FOXP1: variants seen among roughly 807,000 people sequenced by gnomAD.
The protein encoded by FOXP1 is forkhead box P1, also known as forkhead box protein P1.
Under a neutral mutation model 98.2 loss-of-function variants are expected in FOXP1, and 15 were observed. The ratio of observed to expected loss-of-function variants is 0.15; its 90% CI spans 0.10 to 0.24. The LOEUF is 0.24. Among genes scored for constraint, FOXP1 ranks in the 10% least tolerant of loss-of-function variants. The pLI is 1.00. For missense variants in FOXP1, 633 were observed against 848.5 expected (o/e 0.75, Z 3.15); for synonymous variants, 371 against 314.5 (o/e 1.18, Z -1.90).
intron 6 of FOXP1, among the ~76,000 whole-genome samples, chr3:71,116,287 T>A (rs2058369570): frequency 6.6e-6 from 1 of 152,012 alleles, no homozygotes; most frequent in Non-Finnish European, 1.5e-5. Context: ...AACCCCAGCC[T>A]CTTCATACCA....
intron 5 of FOXP1, among the ~76,000 whole-genome samples, chr3:71,215,053 A>C (rs1457375549): frequency 6.6e-6 from 1 of 152,230 alleles, no homozygotes; most frequent in Non-Finnish European, 1.5e-5. Flanking sequence ...CAGACCTACT[A>C]AATGAGAACC....
chr3:71,170,703 A>G (rs1300840078), intron 6 of FOXP1, among the ~76,000 whole-genome samples: 1 of 152,208 alleles, frequency 6.6e-6, no homozygotes, highest in Non-Finnish European at 1.5e-5. Context: ...ATGTAATTAT[A>G]CAATTTGTGT....
At position 70,972,752 on chromosome 3, in the gene FOXP1, T is replaced by TAACA. The variant is rs1559603126; in HGVS notation, c.1531-80_1531-77dup. The stretch of plus-strand genomic sequence containing the variant: ...TCCAAAAACAGCAGTAAATTCAGCC[T>TAACA]AACAGTCCACATTTGTAAAACCATC... On this transcript the variant is annotated intron_variant, in intron 17 of 20. Coordinates refer to ENST00000649528, the MANE Select transcript of FOXP1 (RefSeq NM_001349338.3). 8 of 1,467,380 alleles carry TAACA rather than the reference T, an allele frequency of 5.5e-6. No individual in the cohort carries two copies. In the South Asian group the frequency reaches 7.1e-5, roughly 13 times the overall value. 90.9% of individuals were successfully genotyped at this position (1,467,380 alleles called of 1,614,324 possible).
chr3:71,195,537 A>G (rs1254073828), intron 6 of FOXP1, among the ~76,000 whole-genome samples: 1 of 152,176 alleles, frequency 6.6e-6, no homozygotes, highest in East Asian at 1.9e-4. Flanking sequence ...GACTTCTAAC[A>G]TATTTTACAG....
chr3:71,383,591 G>C (rs749543722), intron 3 of FOXP1, among the ~76,000 whole-genome samples: 2 of 152,152 alleles, frequency 1.3e-5, no homozygotes, highest in Non-Finnish European at 1.5e-5. Context: ...ATGCAAAGTA[G>C]CTTCAGTTTT....
intron 14 of FOXP1, among the ~76,000 whole-genome samples, chr3:70,980,223 G>A (rs781559987): frequency 7.2e-5 from 11 of 152,102 alleles, no homozygotes; most frequent in Admixed American, 1.3e-4. Flanking sequence ...TCTTCACCTC[G>A]GGCCTTAATC....
chr3:70,959,409 A>C lies in FOXP1; in HGVS notation c.1890-18T>G. On this transcript the variant is annotated intron_variant, in intron 20 of 20. Coordinates refer to ENST00000649528, the MANE Select transcript of FOXP1 (RefSeq NM_001349338.3). ...CAGGATGCCTGGAAAAAATATGCAG[A>C]GGTTCAGTGAGGGTACTTCCCAGCC... 1 of 1,613,946 alleles carries C rather than the reference A, an allele frequency of 6.2e-7. No individual in the cohort carries two copies. Among genetic ancestry groups the C allele is most frequent in the South Asian group, 1.1e-5 (1 of 91,066 alleles).
At chr3:71,537,361 T>C (rs2044387699) in intron 2 of FOXP1, among the ~76,000 whole-genome samples, 1 of 152,198 alleles carries the variant, frequency 6.6e-6, no homozygotes, top group East Asian at 1.9e-4. Context: ...GATTTGTTTT[T>C]CCCCCAGCTC....
chr3:71,139,077 TC>T (rs1266591472), intron 6 of FOXP1, among the ~76,000 whole-genome samples: 2 of 152,202 alleles, frequency 1.3e-5, no homozygotes, highest in African/African-American at 2.4e-5. Flanking sequence ...AAAATTTGTT[TC>T]ACATCTACAG....
chr3:71,094,694 AAC>A (rs2056285791), intron 7 of FOXP1, among the ~76,000 whole-genome samples: 1 of 137,660 alleles, frequency 7.3e-6, no homozygotes, highest in East Asian at 3.0e-4. Context: ...TATTGTATAC[AAC>A]AGATATTCAA....
intron 17 of FOXP1, 91 bp downstream of exon 17, chr3:70,976,850 T>C: frequency 6.7e-6 from 6 of 900,486 alleles, no homozygotes; most frequent in South Asian, 5.4e-5. Flanking sequence ...AATATAAATG[T>C]AGCTTCCTTA....
At chr3:71,008,861 GA>G (rs527786989) in intron 12 of FOXP1, among the ~76,000 whole-genome samples, 162 of 150,390 alleles carry the variant, frequency 1.1e-3, no homozygotes, top group African/African-American at 3.5e-3. Context: ...CCTCAGGAGG[GA>G]AAAAAAAATA....
Position 71,581,246 on chromosome 3 carries a change from G to C in FOXP1, c.-298+303C>G, listed in dbSNP as rs2048139752. 15 of 985,380 alleles carry C rather than the reference G, an allele frequency of 1.5e-5. No individual in the cohort carries two copies. The South Asian group carries it at 2.8e-4, about 19-fold the overall frequency. The allele number at this position is 985,380 out of a possible 1,614,324, so 61.0% of individuals were successfully genotyped here. On this transcript the variant is annotated intron_variant, in intron 2 of 20. Transcript: ENST00000649528. The stretch of plus-strand genomic sequence containing the variant: ...GGAAATAATTAATAGTTATAAGAGG[G>C]GAGTGGGGTGAGAAGGGGGGCGAGG...
chr3:71,060,887 G>A (rs1053041271), intron 7 of FOXP1, among the ~76,000 whole-genome samples: 9 of 152,060 alleles, frequency 5.9e-5, no homozygotes, highest in Admixed American at 2.0e-4. Flanking sequence ...GCTTTTAACC[G>A]GATTTGAAAA....
intron 11 of FOXP1, among the ~76,000 whole-genome samples, chr3:71,024,512 T>C (rs1016461007): frequency 6.6e-6 from 1 of 152,218 alleles, no homozygotes; most frequent in African/African-American, 2.4e-5. Context: ...TGAATAAGGA[T>C]GGAGTTCTCT....
chr3:71,096,906 C>T (rs1575663492), intron 7 of FOXP1, among the ~76,000 whole-genome samples: 1 of 152,152 alleles, frequency 6.6e-6, no homozygotes, highest in South Asian at 2.1e-4. Context: ...TTACACCTAT[C>T]TTAATGCACG....
rs554111428 is a variant in FOXP1 at position 71,345,966 on chromosome 3, A to C, written c.-73+13184T>G. Among the ~76,000 whole-genome samples the C allele has an allele frequency of 7.3e-5, 11 of 151,268 alleles. No individual in the cohort carries two copies. In the East Asian group the frequency reaches 7.8e-4, roughly 11 times the overall value. ...AAGTGCTTTTCAAGCACAAAATATA[A>C]GGAAAGGAGAGGCTTGGTATTTCAG... On this transcript the variant is annotated intron_variant, in intron 4 of 20. Coordinates refer to ENST00000649528, the MANE Select transcript of FOXP1 (RefSeq NM_001349338.3).
rs2108110836 is a variant in FOXP1, at chr3:71,157,711, C to G, written c.180+40491G>C. Among the ~76,000 whole-genome samples, 6 of 152,244 alleles carry G rather than the reference C, an allele frequency of 3.9e-5. No homozygotes were observed. In the Middle Eastern group the frequency reaches 0.017, roughly 432 times the overall value. On this transcript the variant is annotated intron_variant, in intron 6 of 20. Coordinates refer to ENST00000649528, the MANE Select transcript of FOXP1 (RefSeq NM_001349338.3). The stretch of plus-strand genomic sequence containing the variant: ...CTTTTCTGGCCTTTCATGAAGAAAT[C>G]TTTGCTAGTTAGAGGCTAGTGATAC...
intron 17 of FOXP1, among the ~76,000 whole-genome samples, chr3:70,973,807 C>G (rs1042773294): frequency 6.7e-6 from 1 of 149,032 alleles, no homozygotes; most frequent in Non-Finnish European, 1.5e-5. Context: ...TCCAGCAACA[C>G]TGCTATTGCA....
Sources: allele counts gnomAD v4.1 joint callset (sites outside exome capture counted in the v4.1 genomes callset), GRCh38; gene constraint gnomAD v4.1.1; transcripts MANE v1.5; gene names NCBI Gene and HGNC (gene_info 2026-07-23, HGNC 2026-07-21).